The following BRWD1 variants were observed in gnomAD, a reference collection of about 807,000 sequenced individuals.
BRWD1 encodes bromodomain and WD repeat domain containing 1, also known as bromodomain and WD repeat-containing protein 1.
BRWD1 carries 82 observed loss-of-function variants against 251.2 expected under a neutral mutation model. The observed-to-expected ratio is 0.33, with a 90% confidence interval of 0.27 to 0.39. The LOEUF is 0.39. Among genes scored for constraint, BRWD1 ranks in the 10% least tolerant of loss-of-function variants. The pLI is 1.00. For missense variants in BRWD1, 2,233 were observed against 2,711.6 expected, an observed-to-expected ratio of 0.82 and a Z score of 3.92; for synonymous variants, 918 against 902.8, an observed-to-expected ratio of 1.02 and a Z score of -0.30.
At chr21:39,211,615 A>C (rs1364152841) in intron 34 of BRWD1, among the ~76,000 whole-genome samples, 1 of 152,162 alleles carries the variant, frequency 6.6e-6, no homozygotes, top group East Asian at 1.9e-4. Flanking sequence ...AGACCCATGA[A>C]AACTTCTAAT....
chr21:39,281,671 A>G (rs1467745056), intron 8 of BRWD1, among the ~76,000 whole-genome samples: 1 of 152,158 alleles, frequency 6.6e-6, no homozygotes, highest in Non-Finnish European at 1.5e-5. Flanking sequence ...CTCTACTAAA[A>G]ATACAAAAAT....
intron 15 of BRWD1, among the ~76,000 whole-genome samples, chr21:39,268,436 C>A: frequency 8.1e-6 from 1 of 123,024 alleles, no homozygotes; most frequent in African/African-American, 2.9e-5. Flanking sequence ...AGAGAAACTC[C>A]ATCTCCAAAA....
Position 39,298,454 on chromosome 21 carries a change from C to A in BRWD1, c.327G>T (p.Gln109His). Residue 109 changes from glutamine (Q) to histidine (H), a missense_variant, in exon 5 of 41, where the codon CAG becomes CAT. This residue lies in a region of BRWD1 where 185 missense variants were observed against 260.6 expected (regional missense o/e 0.71). Coordinates refer to ENST00000342449, the MANE Select transcript of BRWD1 (RefSeq NM_033656.4). ...TACCTTTTGCTGTACGTAGCAAAGA[C>A]TGCCTTCCTGCACCAAGTAAAGAAG... ...RVTSLLGAGR[Q>H]SLLRTAKDCR... 6.2e-7 allele frequency: 1 copy of A among 1,601,040 alleles called. No individual in the cohort carries two copies.
chr21:39,201,868 CA>C lies in BRWD1; in HGVS notation c.4585+456del, dbSNP rs2032126323. Among the ~76,000 whole-genome samples, 5 of 152,258 alleles carry C rather than the reference CA, an allele frequency of 3.3e-5. No individual in the cohort carries two copies. In the South Asian group the frequency reaches 1.0e-3, roughly 32 times the overall value. ...ATAGTATGCTATTGTCATAATTCAG[CA>C]AAACCACTCAGAGCAGTACAGAAAT... On this transcript the variant is annotated intron_variant, in intron 38 of 40. Transcript: ENST00000342449.
intron 15 of BRWD1, among the ~76,000 whole-genome samples, chr21:39,269,355 A>C (rs929140811): frequency 6.6e-6 from 1 of 151,194 alleles, no homozygotes; most frequent in African/African-American, 2.4e-5. Flanking sequence ...TTTTTTTAAG[A>C]GAGTGTCTCA....
Position 39,188,869 on chromosome 21 carries a change from G to A in BRWD1, c.*7390C>T. 2.0e-6 allele frequency: 2 copies of A among 985,386 alleles called. No homozygotes were observed. Among genetic ancestry groups the A allele is most frequent in the South Asian group, 4.7e-5 (1 of 21,288 alleles). The allele number at this position is 985,386 out of a possible 1,614,324, so 61.0% of individuals were successfully genotyped here. ...TTCTAAGGGCACTATGTTTTGTTCA[G>A]TGTTCAGTCTCCAGGCATTGTAAAT... On this transcript the variant is annotated 3_prime_UTR_variant, in exon 41 of 41. Transcript: ENST00000342449.
At position 39,196,768 on chromosome 21, in the gene BRWD1, G is replaced by C; in HGVS notation, c.6301C>G (p.Leu2101Val). The stretch of plus-strand genomic sequence containing the variant: ...AAAGGAGCCTTTCCATAGGTCCTGA[G>C]TCTTCTGCCATTCCACCTGCGCAGC... ...YGLRRWNGRRLRTYGKAPFSK... is the reference protein window; with the variant it reads ...YGLRRWNGRRVRTYGKAPFSK... Residue 2101 changes from leucine to valine, a missense_variant, in exon 41 of 41, where the codon CTC becomes GTC. Coordinates refer to ENST00000342449, the MANE Select transcript of BRWD1 (RefSeq NM_033656.4). The C allele has an allele frequency of 6.2e-7, 1 of 1,613,230 alleles. No homozygotes were observed. Among genetic ancestry groups the C allele is most frequent in the Non-Finnish European group, 8.5e-7 (1 of 1,179,870 alleles).
chr21:39,244,941 T>TATATATATATATATATATATATATAC (rs2034131932), intron 21 of BRWD1, among the ~76,000 whole-genome samples: 1 of 131,898 alleles, frequency 7.6e-6, no homozygotes, highest in Non-Finnish European at 1.6e-5. Flanking sequence ...TATATATATA[T>TATATATATATATATATATATATATAC]ATATGCAGAA....
At chr21:39,253,454 A>G (rs575538053) in intron 19 of BRWD1, among the ~76,000 whole-genome samples, 2 of 152,136 alleles carry the variant, frequency 1.3e-5, no homozygotes, top group South Asian at 4.1e-4. Flanking sequence ...TTAAGAAACT[A>G]ATTTTTCAGG....
upstream of BRWD1, chr21:39,313,968 A>G (rs1415458673): frequency 1.0e-5 from 4 of 390,570 alleles, no homozygotes; most frequent in East Asian, 8.8e-5. Context: ...CGCGGCCACA[A>G]GAGGGGGCGA....
chr21:39,265,049 A>T, intron 15 of BRWD1, 30 bp from the exon 16 acceptor site: 2 of 1,603,360 alleles, frequency 1.2e-6, no homozygotes, highest in Non-Finnish European at 1.7e-6. Flanking sequence ...AAAAGTTAGG[A>T]CCAATTCTAT....
chr21:39,228,368 A>G, intron 27 of BRWD1, 132 bp downstream of exon 27: 1 of 618,058 alleles, frequency 1.6e-6, no homozygotes. Flanking sequence ...ATATATTTAT[A>G]GGTCACTTAT....
chr21:39,247,867 C>T (rs757779329), intron 20 of BRWD1, 35 bp from the exon 21 acceptor site: 1 of 1,562,414 alleles, frequency 6.4e-7, no homozygotes, highest in African/African-American at 1.4e-5. Context: ...TGAAAATCAA[C>T]ACCTAAATAA....
rs2031774878 is a variant in BRWD1, at chr21:39,195,683, C to T, written c.*576G>A. On this transcript the variant is annotated 3_prime_UTR_variant, in exon 41 of 41. Coordinates refer to ENST00000342449, the MANE Select transcript of BRWD1 (RefSeq NM_033656.4). ...AGCACTTGGGAAGAAAATTAGAAAC[C>T]ATTTCAATGAAAGTGACCAGATCTG... The T allele has an allele frequency of 7.1e-6, 7 of 985,004 alleles. No homozygotes were observed. In the Admixed American group the frequency reaches 4.3e-4, roughly 61 times the overall value. The allele number at this position is 985,004 out of a possible 1,614,324, so 61.0% of individuals were successfully genotyped here.
chr21:39,317,536 TAGAC>T (rs1295823298), upstream of BRWD1, among the ~76,000 whole-genome samples: 3 of 152,186 alleles, frequency 2.0e-5, no homozygotes, highest in Admixed American at 6.5e-5. Flanking sequence ...CAATCCCAAG[TAGAC>T]AGTATTATCT....
At position 39,235,993 on chromosome 21, in the gene BRWD1, C is replaced by T. The variant is rs574856207; in HGVS notation, c.2766+602G>A. ...TGGAATTTCTGCAACCCCAATCCCA[C>T]GGTCTCCTCATAGGGCAACAGGGCC... On this transcript the variant is annotated intron_variant, in intron 23 of 40. Transcript: ENST00000342449. 2.6e-4 allele frequency: 55 copies of T among 213,060 alleles called. 1 individual carries two copies. The South Asian group carries it at 4.4e-3, about 17-fold the overall frequency. The allele number at this position is 213,060 out of a possible 1,614,324, so 13.2% of individuals were successfully genotyped here.
In BRWD1 at chr21:39,190,618, A is replaced by T. The variant is rs1231043241; in HGVS notation, c.*5641T>A. 2.1e-5 allele frequency: 21 copies of T among 985,238 alleles called. No homozygotes were observed. Among genetic ancestry groups the T allele is most frequent in the Non-Finnish European group, 2.5e-5 (21 of 829,916 alleles). 61.0% of individuals were successfully genotyped at this position (985,238 alleles called of 1,614,324 possible). A position where few individuals can be genotyped will look rare whatever the true frequency, so the allele number is the denominator to read the frequency against. ...CCCTTCATTGATAAGCAATGAAATG[A>T]CCCCAAAACTCAGAAAGCAAATAAC... is the stretch of plus-strand genomic sequence containing the variant. On this transcript the variant is annotated 3_prime_UTR_variant, in exon 41 of 41. Transcript: ENST00000342449.
At chr21:39,201,037 C>A (rs1485041317) in intron 38 of BRWD1, among the ~76,000 whole-genome samples, 1 of 152,168 alleles carries the variant, frequency 6.6e-6, no homozygotes, top group Admixed American at 6.5e-5. Flanking sequence ...TCTGTGATAT[C>A]AGATAGGTAT....
chr21:39,202,264 AC>A, intron 38 of BRWD1, 60 bp downstream of exon 38: 8 of 1,220,162 alleles, frequency 6.6e-6, no homozygotes, highest in Non-Finnish European at 9.3e-6. Flanking sequence ...ATCTCTAGTA[AC>A]GGCCAGTGTT....
Sources: allele counts gnomAD v4.1 joint callset (sites outside exome capture counted in the v4.1 genomes callset), GRCh38; gene constraint gnomAD v4.1.1; regional missense constraint gnomAD v4.1.1; transcripts MANE v1.5; gene names NCBI Gene and HGNC (gene_info 2026-07-23, HGNC 2026-07-21).